The following CHCHD6 variants were observed in gnomAD, a reference collection of about 807,000 sequenced individuals.
CHCHD6 encodes the protein coiled-coil-helix-coiled-coil-helix domain containing 6, also known as MICOS complex subunit MIC25.
Under a neutral mutation model 32.3 loss-of-function variants are expected in CHCHD6, and 28 were observed. The ratio of observed to expected loss-of-function variants is 0.87; its 90% confidence interval spans 0.64 to 1.19. The LOEUF (loss-of-function observed/expected upper bound fraction) is 1.19, where lower values mean the gene tolerates loss of function less well. Among genes scored for constraint, CHCHD6 ranks in the 50% most tolerant of loss-of-function variants. CHCHD6 has a pLI of 0.00. For synonymous variants in CHCHD6, 122 were observed against 117.5 expected (o/e 1.04, Z -0.25); for missense variants, 333 against 307.0 (o/e 1.08, Z -0.63).
At chr3:126,896,385 G>C (rs1258230962) in intron 5 of CHCHD6, among the ~76,000 whole-genome samples, 1 of 152,124 alleles carries the variant, frequency 6.6e-6, no homozygotes, top group African/African-American at 2.4e-5. Flanking sequence ...GATGTACATA[G>C]CCCAGAACCA....
At chr3:126,810,444 G>GTC (rs1327243831) in intron 4 of CHCHD6, among the ~76,000 whole-genome samples, 1 of 152,216 alleles carries the variant, frequency 6.6e-6, no homozygotes, top group Non-Finnish European at 1.5e-5. Context: ...CCAGGAAATG[G>GTC]GGAGAGATGA....
intron 1 of CHCHD6, 52 bp downstream of exon 1, chr3:126,704,451 G>C: frequency 1.7e-6 from 2 of 1,199,788 alleles, no homozygotes; most frequent in Non-Finnish European, 2.2e-6. Context: ...GGGCGCGGGG[G>C]GGAGGTGCGG....
intron 5 of CHCHD6, among the ~76,000 whole-genome samples, chr3:126,864,642 C>T (rs1559890254): frequency 6.7e-6 from 1 of 149,602 alleles, no homozygotes; most frequent in Non-Finnish European, 1.5e-5. Context: ...ACCACCATTA[C>T]CTTTTTTCCT....
intron 4 of CHCHD6, among the ~76,000 whole-genome samples, chr3:126,798,665 G>A (rs1034512504): frequency 2.0e-5 from 3 of 152,088 alleles, no homozygotes; most frequent in African/African-American, 7.2e-5. Context: ...TCAAAGCAGC[G>A]GCTGGGCTGA....
chr3:126,730,663 G>A (rs1935754758), intron 3 of CHCHD6, 33 bp downstream of exon 3: 3 of 1,586,250 alleles, frequency 1.9e-6, no homozygotes, highest in Non-Finnish European at 2.6e-6. Flanking sequence ...TCCCGGCACT[G>A]CGCTCCGCCT....
At chr3:126,717,629 C>T (rs1203813897) in intron 1 of CHCHD6, among the ~76,000 whole-genome samples, 1 of 152,182 alleles carries the variant, frequency 6.6e-6, no homozygotes, top group African/African-American at 2.4e-5. Context: ...AATCTGTAGC[C>T]ATTTGGGAAC....
chr3:126,803,424 G>C (rs1939187366), intron 4 of CHCHD6, among the ~76,000 whole-genome samples: 1 of 151,992 alleles, frequency 6.6e-6, no homozygotes, highest in Non-Finnish European at 1.5e-5. Flanking sequence ...CCTAGTCTCT[G>C]ATAAAACAGA....
intron 4 of CHCHD6, among the ~76,000 whole-genome samples, chr3:126,833,927 G>A (rs974605542): frequency 1.1e-4 from 17 of 150,136 alleles, no homozygotes; most frequent in Admixed American, 7.3e-4. Flanking sequence ...AGTGGCGGGC[G>A]CCTGTAGTCC....
At chr3:126,901,223 G>A (rs1347851792) in intron 5 of CHCHD6, among the ~76,000 whole-genome samples, 1 of 152,192 alleles carries the variant, frequency 6.6e-6, no homozygotes, top group East Asian at 1.9e-4. Flanking sequence ...AGGAGACCCA[G>A]GGTGGTGTAG....
At chr3:126,912,692 C>A (rs2078108399) in intron 5 of CHCHD6, among the ~76,000 whole-genome samples, 1 of 152,248 alleles carries the variant, frequency 6.6e-6, no homozygotes, top group Admixed American at 6.5e-5. Flanking sequence ...GGGCAGAATG[C>A]CAGCACCTGG....
intron 5 of CHCHD6, among the ~76,000 whole-genome samples, chr3:126,913,207 CTTTTTTTTTTTTTTTTTTTTT>C (rs546179022): frequency 0.029 from 969 of 33,794 alleles, 23 homozygotes; most frequent in Middle Eastern, 0.068. Flanking sequence ...CCGTATGAGC[CTTTTTTTTTTTTTTTTTTTTT>C]TTTTTTTTTT....
chr3:126,730,658 G>T (rs1227737741), intron 3 of CHCHD6, 28 bp downstream of exon 3: 3 of 1,597,860 alleles, frequency 1.9e-6, no homozygotes, highest in African/African-American at 1.3e-5. Flanking sequence ...CTTGCTCCCG[G>T]CACTGCGCTC....
intron 4 of CHCHD6, among the ~76,000 whole-genome samples, chr3:126,750,271 T>C (rs1399510173): frequency 6.6e-6 from 1 of 152,234 alleles, no homozygotes; most frequent in African/African-American, 2.4e-5. Flanking sequence ...CGTCTTTGAC[T>C]ATTTTCTCCT....
chr3:126,895,418 C>A (rs1429227874), intron 5 of CHCHD6, among the ~76,000 whole-genome samples: 5 of 152,166 alleles, frequency 3.3e-5, no homozygotes, highest in African/African-American at 9.7e-5. Flanking sequence ...GTCCATCATT[C>A]TGGGCTATTT....
chr3:126,738,084 T>G (rs879712701), intron 4 of CHCHD6, among the ~76,000 whole-genome samples: 5 of 152,024 alleles, frequency 3.3e-5, no homozygotes, highest in Non-Finnish European at 5.9e-5. Flanking sequence ...ACCAGTAGAG[T>G]AGCTGTCCTG....
At chr3:126,802,540 G>A (rs1349673863) in intron 4 of CHCHD6, among the ~76,000 whole-genome samples, 1 of 152,174 alleles carries the variant, frequency 6.6e-6, no homozygotes, top group African/African-American at 2.4e-5. Context: ...AATGAAGAAA[G>A]CCTCCAAGAA....
intron 4 of CHCHD6, among the ~76,000 whole-genome samples, chr3:126,842,578 A>C (rs1941135882): frequency 6.6e-6 from 1 of 152,152 alleles, no homozygotes; most frequent in Admixed American, 6.5e-5. Context: ...CTTAATCTGA[A>C]TCCTATTTTA....
chr3:126,823,857 G>A (rs183850637), intron 4 of CHCHD6, among the ~76,000 whole-genome samples: 2 of 151,312 alleles, frequency 1.3e-5, no homozygotes, highest in Non-Finnish European at 3.0e-5. Flanking sequence ...GACCAGTTGG[G>A]CAACATAGCA....
At chr3:126,809,468 T>C (rs968140451) in intron 4 of CHCHD6, among the ~76,000 whole-genome samples, 2 of 152,258 alleles carry the variant, frequency 1.3e-5, no homozygotes, top group Non-Finnish European at 2.9e-5. Context: ...TGTAAAGCTC[T>C]GCCCTTGTCT....
Sources: allele counts gnomAD v4.1 joint callset (sites outside exome capture counted in the v4.1 genomes callset), GRCh38; gene constraint gnomAD v4.1.1; transcripts MANE v1.5; gene names NCBI Gene and HGNC (gene_info 2026-07-23, HGNC 2026-07-21).